The following GRID2 variants were observed in gnomAD, a reference collection of about 807,000 sequenced individuals.
The protein encoded by GRID2 is glutamate receptor ionotropic, delta-2.
A neutral mutation model predicts 114.8 loss-of-function variants in GRID2; 33 were observed. The ratio of observed to expected loss-of-function variants is 0.29; its 90% CI spans 0.22 to 0.38. The LOEUF (loss-of-function observed/expected upper bound fraction) is 0.38. Ranked by LOEUF, GRID2 falls within the 10% of genes least tolerant of loss-of-function variation. GRID2 has a pLI of 1.00. For missense variants in GRID2, 1,184 were observed against 1,257.7 expected (o/e 0.94, Z 0.89); for synonymous variants, 505 against 449.9 (o/e 1.12, Z -1.55).
At chr4:93,571,570 T>C (rs1735934696) in intron 13 of GRID2, among the ~76,000 whole-genome samples, 1 of 152,080 alleles carries the variant, frequency 6.6e-6, no homozygotes, top group Non-Finnish European at 1.5e-5. Flanking sequence ...AAGCCTTTAA[T>C]TGAAAAATTT....
At chr4:92,416,537 GT>G (rs1731625205) in intron 1 of GRID2, among the ~76,000 whole-genome samples, 1 of 152,060 alleles carries the variant, frequency 6.6e-6, no homozygotes, top group Non-Finnish European at 1.5e-5. Flanking sequence ...AAAATTTCAG[GT>G]CTTAGATTTA....
At chr4:93,355,857 A>C (rs1333299300) in intron 8 of GRID2, among the ~76,000 whole-genome samples, 1 of 152,054 alleles carries the variant, frequency 6.6e-6, no homozygotes, top group African/African-American at 2.4e-5. Context: ...GCTACCACAG[A>C]ATGCAAGAAA....
chr4:92,827,193 T>A (rs1032202817), intron 2 of GRID2, among the ~76,000 whole-genome samples: 1 of 152,052 alleles, frequency 6.6e-6, no homozygotes, highest in Non-Finnish European at 1.5e-5. Context: ...TGTTAGGCAA[T>A]TAAACTATTC....
chr4:93,401,634 AC>A (rs1765898155), intron 9 of GRID2, among the ~76,000 whole-genome samples: 1 of 152,198 alleles, frequency 6.6e-6, no homozygotes, highest in Non-Finnish European at 1.5e-5. Flanking sequence ...CAATTAGAAA[AC>A]ATAGGACAGT....
intron 8 of GRID2, among the ~76,000 whole-genome samples, chr4:93,245,477 A>G (rs1272687424): frequency 6.6e-6 from 1 of 152,200 alleles, no homozygotes; most frequent in Non-Finnish European, 1.5e-5. Flanking sequence ...TTTGTTTGCA[A>G]GAATTTGTTG....
chr4:92,461,245 A>T (rs1383787675), intron 1 of GRID2, among the ~76,000 whole-genome samples: 1 of 152,028 alleles, frequency 6.6e-6, no homozygotes, highest in Non-Finnish European at 1.5e-5. Flanking sequence ...GTAAGTCCTT[A>T]GTTAACATCA....
chr4:92,590,021 C>G (rs933166674), intron 1 of GRID2, 110 bp from the exon 2 acceptor site: 1 of 704,954 alleles, frequency 1.4e-6, no homozygotes, highest in Admixed American at 2.5e-5. Flanking sequence ...AGTGCATGCT[C>G]TAAGTGAAAG....
intron 14 of GRID2, among the ~76,000 whole-genome samples, chr4:93,682,139 T>C (rs1413570666): frequency 1.3e-5 from 2 of 151,192 alleles, no homozygotes; most frequent in African/African-American, 4.9e-5. Context: ...CAGACACTTC[T>C]CAAAAGAAGA....
At chr4:92,334,058 T>C (rs1727039094) in intron 1 of GRID2, among the ~76,000 whole-genome samples, 1 of 152,200 alleles carries the variant, frequency 6.6e-6, no homozygotes, top group Admixed American at 6.5e-5. Flanking sequence ...TTCACTGCTC[T>C]TAAATTCTGC....
intron 14 of GRID2, among the ~76,000 whole-genome samples, chr4:93,728,081 G>A (rs1200562518): frequency 6.6e-6 from 1 of 151,960 alleles, no homozygotes; most frequent in Non-Finnish European, 1.5e-5. Flanking sequence ...TGATGTTAGG[G>A]TGTCAATTTT....
intron 2 of GRID2, among the ~76,000 whole-genome samples, chr4:93,039,506 G>A (rs1429237899): frequency 6.6e-6 from 1 of 151,850 alleles, no homozygotes; most frequent in Non-Finnish European, 1.5e-5. Context: ...GTATATACAT[G>A]TATATATATT....
intron 2 of GRID2, among the ~76,000 whole-genome samples, chr4:92,932,231 C>A (rs534709941): frequency 6.6e-6 from 1 of 151,292 alleles, no homozygotes; most frequent in African/African-American, 2.4e-5. Flanking sequence ...AAAAACAACA[C>A]ATTAAAAAAT....
intron 1 of GRID2, among the ~76,000 whole-genome samples, chr4:92,512,331 A>T (rs1724292342): frequency 6.6e-6 from 1 of 151,882 alleles, no homozygotes; most frequent in Non-Finnish European, 1.5e-5. Flanking sequence ...TGCTCTAAGC[A>T]TGGTTGTATA....
chr4:93,336,780 G>T (rs1341741577), intron 8 of GRID2, among the ~76,000 whole-genome samples: 1 of 152,034 alleles, frequency 6.6e-6, no homozygotes, highest in Non-Finnish European at 1.5e-5. Context: ...ATCAGTGAAG[G>T]TTTTGTGTAT....
Position 93,175,010 on chromosome 4 carries a change from G to T in GRID2, c.736-32394G>T, listed in dbSNP as rs80324655. Among the ~76,000 whole-genome samples, 763 of 152,212 alleles carry T rather than the reference G, an allele frequency of 5.0e-3. 1 individual carries two copies. The highest frequency in any genetic ancestry group is 8.3e-3 in the Non-Finnish European group (563 of 68,016). Reference sequence around the variant, plus strand: ...AATAGTGTAATTGCTGGGTGATATGGTAAGTGCCTATTTGATTTTGTAAGC... The same window carrying T: ...AATAGTGTAATTGCTGGGTGATATGTTAAGTGCCTATTTGATTTTGTAAGC... On this transcript the variant is annotated intron_variant, in intron 4 of 15. Transcript: ENST00000282020.
chr4:93,496,278 A>G (rs1428175507), intron 12 of GRID2, among the ~76,000 whole-genome samples: 1 of 151,782 alleles, frequency 6.6e-6, no homozygotes, highest in Non-Finnish European at 1.5e-5. Flanking sequence ...ATTATTATAT[A>G]TACACAGGAA....
intron 2 of GRID2, among the ~76,000 whole-genome samples, chr4:92,685,247 G>C (rs994921824): frequency 6.6e-6 from 1 of 152,064 alleles, no homozygotes; most frequent in Non-Finnish European, 1.5e-5. Context: ...AGTAGCTAGA[G>C]AGGAGAGGGA....
exon 2 of GRID2, chr4:93,809,442 C>T (rs548744704): frequency 1.3e-5 from 2 of 152,174 alleles, no homozygotes; most frequent in Non-Finnish European, 2.9e-5. Flanking sequence ...AAACTAAGGC[C>T]GTATTAGCAT....
intron 2 of GRID2, among the ~76,000 whole-genome samples, chr4:92,718,932 C>A (rs1735677885): frequency 6.6e-6 from 1 of 151,746 alleles, no homozygotes; most frequent in African/African-American, 2.4e-5. Flanking sequence ...TTTTTTAAAT[C>A]TCTTTCACTT....
Sources: allele counts gnomAD v4.1 joint callset (sites outside exome capture counted in the v4.1 genomes callset), GRCh38; gene constraint gnomAD v4.1.1; transcripts MANE v1.5; gene names NCBI Gene and HGNC (gene_info 2026-07-23, HGNC 2026-07-21).